The following CSMD2 variants were observed in gnomAD, a reference collection of about 807,000 sequenced individuals.
CSMD2 encodes the protein CUB and Sushi multiple domains 2, also known as CUB and sushi domain-containing protein 2.
In CSMD2, 130 loss-of-function variants were observed where a neutral mutation model predicts 398.5. That is an observed-to-expected ratio of 0.33 (90% CI 0.28 to 0.38). The LOEUF (loss-of-function observed/expected upper bound fraction) is 0.38, where lower values mean the gene tolerates loss of function less well. Among genes scored for constraint, CSMD2 ranks in the 10% least tolerant of loss-of-function variants. The pLI, the probability that CSMD2 is intolerant of heterozygous loss-of-function variation, is 1.00. For synonymous variants in CSMD2, 1,828 were observed against 1,908.5 expected (o/e 0.96, Z 1.10); for missense variants, 3,829 against 4,764.9 (o/e 0.80, Z 5.78).
chr1:33,858,752 C>T (rs1639277282), intron 5 of CSMD2, among the ~76,000 whole-genome samples: 2 of 152,210 alleles, frequency 1.3e-5, no homozygotes, highest in Admixed American at 1.3e-4. Context: ...TCCTGGGACA[C>T]ATCCATCCCT....
intron 25 of CSMD2, among the ~76,000 whole-genome samples, chr1:33,691,754 C>T (rs1316571697): frequency 2.0e-5 from 3 of 152,178 alleles, no homozygotes; most frequent in Non-Finnish European, 4.4e-5. Flanking sequence ...CCATGGCTCC[C>T]TCTTAGTTAC....
At chr1:33,760,905 C>T (rs1336079686) in intron 13 of CSMD2, among the ~76,000 whole-genome samples, 2 of 152,108 alleles carry the variant, frequency 1.3e-5, no homozygotes, top group Admixed American at 6.5e-5. Context: ...ACCACACCCT[C>T]AATCCAGCAA....
At chr1:34,088,362 C>T (rs1216832132) in intron 2 of CSMD2, among the ~76,000 whole-genome samples, 1 of 152,186 alleles carries the variant, frequency 6.6e-6, no homozygotes, top group Non-Finnish European at 1.5e-5. Context: ...CCAGAAAAGT[C>T]TGCCCTTTCT....
chr1:33,907,475 T>C (rs749619234), intron 5 of CSMD2, among the ~76,000 whole-genome samples: 1 of 151,534 alleles, frequency 6.6e-6, no homozygotes, highest in Non-Finnish European at 1.5e-5. Context: ...GGCTGGAGGG[T>C]TGAAGAGTGG....
intron 1 of CSMD2, among the ~76,000 whole-genome samples, chr1:34,090,753 T>C (rs950366788): frequency 1.3e-5 from 2 of 152,232 alleles, no homozygotes; most frequent in African/African-American, 2.4e-5. Flanking sequence ...TGCCAATCTG[T>C]TCTTCACACT....
At chr1:33,544,318 C>T (rs1202253891) in intron 57 of CSMD2, among the ~76,000 whole-genome samples, 1 of 150,356 alleles carries the variant, frequency 6.7e-6, no homozygotes, top group South Asian at 2.1e-4. Context: ...GGGGTTTCAC[C>T]GTATTAGCCA....
intron 3 of CSMD2, among the ~76,000 whole-genome samples, chr1:34,018,890 TA>T (rs1648498470): frequency 7.2e-5 from 11 of 152,260 alleles, no homozygotes. Context: ...TTAGATTTTT[TA>T]AAGTACAAAG....
intron 4 of CSMD2, among the ~76,000 whole-genome samples, chr1:33,931,859 G>C (rs1644323568): frequency 6.6e-6 from 1 of 152,170 alleles, no homozygotes; most frequent in African/African-American, 2.4e-5. Context: ...GTTCTCCCTA[G>C]CAGTACAGGT....
At chr1:33,769,610 T>C (rs958980841) in intron 13 of CSMD2, among the ~76,000 whole-genome samples, 3 of 152,232 alleles carry the variant, frequency 2.0e-5, no homozygotes, top group African/African-American at 7.2e-5. Context: ...CTGAAGTCTC[T>C]GCTTGCTACA....
chr1:34,063,906 T>C (rs564793402), intron 2 of CSMD2, among the ~76,000 whole-genome samples: 2 of 152,352 alleles, frequency 1.3e-5, no homozygotes, highest in South Asian at 4.1e-4. Context: ...CCTCAATTCT[T>C]GACTTCTGCA....
chr1:33,689,538 C>T (rs1237010894), intron 25 of CSMD2, among the ~76,000 whole-genome samples: 1 of 152,158 alleles, frequency 6.6e-6, no homozygotes, highest in Non-Finnish European at 1.5e-5. Flanking sequence ...CCCCTCCACC[C>T]CCATAGCCAC....
chr1:33,965,903 G>T (rs1220674634), intron 3 of CSMD2, among the ~76,000 whole-genome samples: 1 of 152,178 alleles, frequency 6.6e-6, no homozygotes, highest in Non-Finnish European at 1.5e-5. Context: ...CAGAATGAAT[G>T]AGCAGGCAGA....
chr1:33,790,841 C>T (rs182615710), intron 11 of CSMD2, among the ~76,000 whole-genome samples: 2 of 151,404 alleles, frequency 1.3e-5, no homozygotes, highest in African/African-American at 4.9e-5. Context: ...ATCTATCTAT[C>T]TATCATCTAT....
At chr1:33,869,404 T>G (rs576102849) in intron 5 of CSMD2, 1 of 152,316 alleles carries the variant, frequency 6.6e-6, no homozygotes, top group East Asian at 1.9e-4. Context: ...CTCTGGGATA[T>G]GTTTTCTCAG....
intron 6 of CSMD2, among the ~76,000 whole-genome samples, chr1:33,826,299 G>A (rs1416959758): frequency 1.3e-5 from 2 of 150,108 alleles, no homozygotes; most frequent in African/African-American, 5.1e-5. Context: ...CAGAGGTGGA[G>A]TACATTCCCC....
chr1:34,040,367 T>G (rs1651711611), intron 2 of CSMD2, among the ~76,000 whole-genome samples: 1 of 152,168 alleles, frequency 6.6e-6, no homozygotes, highest in African/African-American at 2.4e-5. Context: ...AAAACCATGA[T>G]TAGTACACAG....
chr1:33,565,026 C>G (rs1658923043), intron 53 of CSMD2, among the ~76,000 whole-genome samples: 1 of 152,086 alleles, frequency 6.6e-6, no homozygotes. Context: ...TAACTAGAAG[C>G]CAGAGAGTGC....
intron 62 of CSMD2, among the ~76,000 whole-genome samples, chr1:33,535,266 T>C (rs1655658690): frequency 1.3e-5 from 2 of 152,242 alleles, no homozygotes; most frequent in Admixed American, 6.5e-5. Context: ...CTAGGGGCTC[T>C]TTCCCTGCTG....
At chr1:33,637,189 C>T (rs2148919893) in intron 29 of CSMD2, among the ~76,000 whole-genome samples, 1 of 152,312 alleles carries the variant, frequency 6.6e-6, no homozygotes, top group South Asian at 2.1e-4. Context: ...GGTACCAATA[C>T]TTAGATTCAG....
Sources: gnomAD v4.1 joint callset for allele counts (sites outside exome capture counted in the v4.1 genomes callset) on GRCh38, gnomAD v4.1.1 for gene constraint, MANE v1.5 for transcripts, NCBI Gene and HGNC (gene_info 2026-07-23, HGNC 2026-07-21) for gene names.